Variants in PRIMPOL observed in about 807,000 individuals in gnomAD.
PRIMPOL encodes the protein DNA-directed primase/polymerase protein.
PRIMPOL carries 54 observed loss-of-function variants against 63.6 expected under a neutral mutation model. The ratio of observed to expected loss-of-function variants is 0.85; its 90% CI spans 0.68 to 1.07. PRIMPOL has a LOEUF of 1.07. Among genes scored for constraint, PRIMPOL ranks in the 50% least tolerant of loss-of-function variants. The probability of loss-of-function intolerance (pLI) is 0.00; values close to 1 mark genes in which losing one functional copy is unlikely to be tolerated. For missense variants in PRIMPOL, 610 were observed against 648.3 expected, an observed-to-expected ratio of 0.94 and a Z score of 0.64; for synonymous variants, 197 against 220.2, an observed-to-expected ratio of 0.89 and a Z score of 0.93.
chr4:184,658,839 CAG>C (rs960503565), intron 3 of PRIMPOL, among the ~76,000 whole-genome samples: 3 of 148,740 alleles, frequency 2.0e-5, no homozygotes, highest in African/African-American at 5.0e-5. Flanking sequence ...ACCTGGGAGA[CAG>C]AGGTTGCAGT....
At chr4:184,660,573 A>G (rs1748051746) in intron 4 of PRIMPOL, among the ~76,000 whole-genome samples, 1 of 152,206 alleles carries the variant, frequency 6.6e-6, no homozygotes, top group Non-Finnish European at 1.5e-5. Flanking sequence ...TTTTATTCAA[A>G]TGTTGCTAAG....
At chr4:184,652,429 C>T (rs567108490) in intron 2 of PRIMPOL, among the ~76,000 whole-genome samples, 59 of 151,434 alleles carry the variant, frequency 3.9e-4, no homozygotes, top group South Asian at 2.1e-3. Context: ...CACAATATAT[C>T]GCTGTGTGTT....
intron 4 of PRIMPOL, among the ~76,000 whole-genome samples, chr4:184,661,454 C>T (rs1275549289): frequency 1.3e-5 from 2 of 152,194 alleles, no homozygotes; most frequent in African/African-American, 4.8e-5. Context: ...TGTCTGTAAT[C>T]CCAGCACTTT....
intron 3 of PRIMPOL, among the ~76,000 whole-genome samples, chr4:184,658,904 T>C (rs1194787853): frequency 7.1e-6 from 1 of 141,652 alleles, no homozygotes; most frequent in Admixed American, 7.6e-5. Context: ...CAAGACTCTG[T>C]TTCAAAAAAA....
chr4:184,663,370 G>A (rs1748947884), intron 5 of PRIMPOL, among the ~76,000 whole-genome samples: 1 of 152,106 alleles, frequency 6.6e-6, no homozygotes, highest in Non-Finnish European at 1.5e-5. Flanking sequence ...TAATTCATAA[G>A]TATTGACTTT....
Position 184,685,652 on chromosome 4 carries a change from CA to C in PRIMPOL, c.1264del (p.Ile422LeufsTer10), listed in dbSNP as rs1278805257. On this transcript the variant is annotated frameshift_variant, in exon 11 of 14. Coordinates refer to ENST00000314970, the MANE Select transcript of PRIMPOL (RefSeq NM_152683.4). LOFTEE classifies it high-confidence loss of function. Reference protein sequence around the residue: ...DICKYRWCENIGRAHKSNNIM... With the variant: ...DICKYRWCENXGRAHKSNNIM... ...TTTGTAAATATCGGTGGTGTGAAAA[CA>C]TTGGAAGAGCCCATAAGAGTAATAA... 1 of 1,598,446 alleles carries C rather than the reference CA, an allele frequency of 6.3e-7. No homozygotes were observed. The highest frequency in any genetic ancestry group is 1.7e-4 in the Middle Eastern group (1 of 6,028).
At chr4:184,666,855 C>T (rs1750047074) in intron 6 of PRIMPOL, among the ~76,000 whole-genome samples, 1 of 152,202 alleles carries the variant, frequency 6.6e-6, no homozygotes, top group Non-Finnish European at 1.5e-5. Context: ...TTATTTATCT[C>T]AGGCCTGGGC....
intron 8 of PRIMPOL, among the ~76,000 whole-genome samples, chr4:184,679,989 A>G (rs745821871): frequency 1.1e-4 from 16 of 152,202 alleles, no homozygotes; most frequent in Non-Finnish European, 1.9e-4. Context: ...ACAAAACAAC[A>G]TTATTCAAAG....
chr4:184,679,338 C>T (rs553938259), intron 8 of PRIMPOL, among the ~76,000 whole-genome samples: 2 of 152,156 alleles, frequency 1.3e-5, no homozygotes, highest in Non-Finnish European at 2.9e-5. Flanking sequence ...TGCCTGTAGT[C>T]CCAGCTACCC....
At position 184,672,321 on chromosome 4, in the gene PRIMPOL, A is replaced by G. The variant is rs1752007889; in HGVS notation, c.705A>G (p.Thr235=). 1 of 1,614,060 alleles carries G rather than the reference A, an allele frequency of 6.2e-7. No individual in the cohort carries two copies. The highest frequency in any genetic ancestry group is 8.5e-7 in the Non-Finnish European group (1 of 1,180,042). ...GATTTTCTTTCAATAAAATGTTCAC[A>G]GAAAAGGCTACAGAGGAAAGCTGGA... ...RQGFSFNKMF[T]EKATEESWTS... Residue 235 remains threonine, a synonymous_variant, in exon 7 of 14, where the codon ACA becomes ACG. Transcript: ENST00000314970.
At chr4:184,668,273 G>A (rs1750626383) in intron 6 of PRIMPOL, among the ~76,000 whole-genome samples, 1 of 152,216 alleles carries the variant, frequency 6.6e-6, no homozygotes, top group African/African-American at 2.4e-5. Flanking sequence ...CGTGATGTGT[G>A]TATCAGTGAG....
chr4:184,689,809 A>G (rs2150165774), intron 11 of PRIMPOL, among the ~76,000 whole-genome samples: 1 of 152,262 alleles, frequency 6.6e-6, no homozygotes, highest in South Asian at 2.1e-4. Context: ...CTCTACAAAG[A>G]TGGAGCATGA....
In PRIMPOL at chr4:184,668,470, C is replaced by T. The variant is rs563215180; in HGVS notation, c.556+2406C>T. On this transcript the variant is annotated intron_variant, in intron 6 of 13. Transcript: ENST00000314970. Reference sequence around the variant, plus strand: ...ATGCCGTAGCTTGCAAAGCGAGGCCCGCTGTGCTCCAGCCTCATCTTCTGC... The same window carrying T: ...ATGCCGTAGCTTGCAAAGCGAGGCCTGCTGTGCTCCAGCCTCATCTTCTGC... Among the ~76,000 whole-genome samples the T allele has an allele frequency of 1.1e-4, 16 of 152,356 alleles. No homozygotes were observed. In the East Asian group the frequency reaches 2.3e-3, roughly 22 times the overall value.
Position 184,678,285 on chromosome 4 carries a change from AAGC to A in PRIMPOL, c.899_901del (p.Lys300_Arg301delinsSer). 1 of 1,601,922 alleles carries A rather than the reference AAGC, an allele frequency of 6.2e-7. No homozygotes were observed. The highest frequency in any genetic ancestry group is 1.3e-5 in the African/African-American group (1 of 74,416). ...GCTATATAAATCATCAAAAATTGGA[AAGC>A]GTGTGGCTTTGGAGGTTACTGAAGA... On this transcript the variant is annotated inframe_deletion, in exon 8 of 14. Coordinates refer to ENST00000314970, the MANE Select transcript of PRIMPOL (RefSeq NM_152683.4).
intron 6 of PRIMPOL, among the ~76,000 whole-genome samples, chr4:184,667,392 C>T (rs181419157): frequency 7.9e-4 from 120 of 151,738 alleles, no homozygotes; most frequent in African/African-American, 2.9e-3. Flanking sequence ...CTCACTGCAA[C>T]CTCCGCCTCC....
chr4:184,663,656 C>G (rs553652020), intron 5 of PRIMPOL, among the ~76,000 whole-genome samples: 1 of 152,308 alleles, frequency 6.6e-6, no homozygotes, highest in Admixed American at 6.5e-5. Context: ...TCTTGAGCAG[C>G]TAATCTTCTG....
rs745978008 is a variant in PRIMPOL at position 184,665,916 on chromosome 4, G to A, written c.409-1G>A. The A allele has an allele frequency of 8.5e-6, 13 of 1,533,664 alleles. No homozygotes were observed. The Admixed American group carries it at 2.2e-4, about 26-fold the overall frequency. On this transcript the variant is annotated splice_acceptor_variant, in intron 5 of 13. Transcript: ENST00000314970. LOFTEE classifies it high-confidence loss of function. ...TATTTGCATTTTACTTGTGTTTTTA[G>A]TATGTGTGTAAAGCACTTCAAGAGT...
chr4:184,658,772 G>T (rs989526639), intron 3 of PRIMPOL, among the ~76,000 whole-genome samples: 1 of 152,026 alleles, frequency 6.6e-6, no homozygotes, highest in Non-Finnish European at 1.5e-5. Context: ...ATCGGGCGTG[G>T]TGGTGGGCAC....
Position 184,666,072 on chromosome 4 carries a change from C to A in PRIMPOL, c.556+8C>A. On this transcript the variant is annotated splice_region_variant and intron_variant, in intron 6 of 13. Coordinates refer to ENST00000314970, the MANE Select transcript of PRIMPOL (RefSeq NM_152683.4). Reference sequence around the variant, plus strand: ...AAGATAATATTCATGTTGGTAAGTACACGGCTTTTTAAAAATCATGGAGTT... The same window carrying A: ...AAGATAATATTCATGTTGGTAAGTAAACGGCTTTTTAAAAATCATGGAGTT... 6.3e-7 allele frequency: 1 copy of A among 1,579,824 alleles called. No individual in the cohort carries two copies. Among genetic ancestry groups the A allele is most frequent in the Middle Eastern group, 1.7e-4 (1 of 5,864 alleles).
Sources: allele counts gnomAD v4.1 joint callset (sites outside exome capture counted in the v4.1 genomes callset), GRCh38; gene constraint gnomAD v4.1.1; transcripts MANE v1.5; gene names NCBI Gene and HGNC (gene_info 2026-07-23, HGNC 2026-07-21).